COL5A1: variants seen among roughly 807,000 people sequenced by gnomAD.
COL5A1 encodes collagen type V alpha 1 chain, also known as collagen alpha-1(V) chain.
COL5A1 carries 16 observed loss-of-function variants against 263.7 expected under a neutral mutation model. The observed-to-expected ratio is 0.06, with a 90% CI of 0.04 to 0.09. The LOEUF (loss-of-function observed/expected upper bound fraction) is 0.09, where lower values mean the gene tolerates loss of function less well. Ranked by LOEUF, COL5A1 falls within the 10% of genes least tolerant of loss-of-function variation. The pLI is 1.00. For synonymous variants in COL5A1, 1,012 were observed against 1,004.5 expected (o/e 1.01, Z -0.14); for missense variants, 2,036 against 2,540.5 (o/e 0.80, Z 4.27).
intron 64 of COL5A1, among the ~76,000 whole-genome samples, chr9:134,831,676 A>G (rs774475085): frequency 6.6e-5 from 10 of 152,198 alleles, no homozygotes; most frequent in Admixed American, 2.6e-4. Context: ...TCTCCCCGCA[A>G]TGACAGCTCT....
At chr9:134,802,055 C>T (rs552248672) in intron 38 of COL5A1, 48 bp downstream of exon 38, 62 of 1,578,330 alleles carry the variant, frequency 3.9e-5, no homozygotes, top group Non-Finnish European at 5.1e-5. Context: ...GTGTCACTTG[C>T]CCACAGGGAA....
At chr9:134,723,218 C>T (rs969595942) in intron 4 of COL5A1, among the ~76,000 whole-genome samples, 3 of 152,176 alleles carry the variant, frequency 2.0e-5, no homozygotes, top group South Asian at 2.1e-4. Context: ...CTTCCTGCAC[C>T]GCTGTCCTGA....
intron 42 of COL5A1, among the ~76,000 whole-genome samples, chr9:134,808,574 CAT>C (rs1439464753): frequency 6.6e-6 from 1 of 152,116 alleles, no homozygotes; most frequent in African/African-American, 2.4e-5. Context: ...CACGTGTGCA[CAT>C]GTTGGTGCAT....
In COL5A1 at chr9:134,825,495, G is replaced by T. The variant is rs111857754; in HGVS notation, c.4955-297G>T. Among the ~76,000 whole-genome samples, 2,397 of 152,210 alleles carry T rather than the reference G, an allele frequency of 0.016. 58 individuals are homozygous for T. Among genetic ancestry groups the T allele is most frequent in the African/African-American group, 0.054 (2,257 of 41,510 alleles). On this transcript the variant is annotated intron_variant, in intron 62 of 65. Transcript: ENST00000371817. ...CAGAGTTCCTTCCAGAACCCTCTCT[G>T]CATTTCTGTCCACCCAGAGAGTAGG...
At position 134,835,188 on chromosome 9, in the gene COL5A1, T is replaced by C. The variant is rs760426656; in HGVS notation, c.5354T>C (p.Leu1785Pro). 18 of 1,613,466 alleles carry C rather than the reference T, an allele frequency of 1.1e-5. No homozygotes were observed. The East Asian group carries it at 3.6e-4, about 32-fold the overall frequency. ...GACAACAACCCCTACATCCGCGCCC[T>C]GGTGGACGGCTGTGCTGTGAGTATC... ...SYDNNPYIRALVDGCATKKGY... is the reference protein window; with the variant it reads ...SYDNNPYIRAPVDGCATKKGY... Residue 1785 changes from leucine (L) to proline (P), a missense_variant, in exon 65 of 66, where the codon CTG (leucine) becomes CCG (proline). Leu to Pro is a moderately conservative substitution (Grantham distance 98). Transcript: ENST00000371817.
At chr9:134,824,094 C>T (rs572904742) in intron 61 of COL5A1, among the ~76,000 whole-genome samples, 1 of 152,292 alleles carries the variant, frequency 6.6e-6, no homozygotes, top group Admixed American at 6.5e-5. Flanking sequence ...TGAACCAGGG[C>T]ATGGCGAGTG....
chr9:134,759,951 A>AC (rs1168913284), intron 18 of COL5A1, among the ~76,000 whole-genome samples: 2 of 87,280 alleles, frequency 2.3e-5, no homozygotes, highest in African/African-American at 4.6e-5. Context: ...ATACCCCCAC[A>AC]CCCCCACACT....
intron 9 of COL5A1, among the ~76,000 whole-genome samples, chr9:134,734,187 C>T (rs966059601): frequency 4.6e-5 from 7 of 152,078 alleles, no homozygotes; most frequent in African/African-American, 1.7e-4. Context: ...CAAGGGTGGG[C>T]CAAGGAGAGG....
intron 27 of COL5A1, among the ~76,000 whole-genome samples, chr9:134,778,624 C>G (rs1837137670): frequency 6.6e-6 from 1 of 152,228 alleles, no homozygotes; most frequent in Admixed American, 6.5e-5. Context: ...AAGTGCCAGG[C>G]CAGACGAACC....
intron 1 of COL5A1, among the ~76,000 whole-genome samples, chr9:134,643,912 TC>T (rs1831383582): frequency 6.6e-6 from 1 of 152,060 alleles, no homozygotes; most frequent in African/African-American, 2.4e-5. Context: ...GGGTTCCATT[TC>T]CCTCCCTGCC....
chr9:134,744,929 GCA>G (rs1363147622), intron 11 of COL5A1, among the ~76,000 whole-genome samples: 1 of 152,238 alleles, frequency 6.6e-6, no homozygotes, highest in Non-Finnish European at 1.5e-5. Context: ...GCGTGCACGT[GCA>G]CACACATCTA....
In COL5A1 at chr9:134,686,526, C is replaced by G. The variant is rs1833085891; in HGVS notation, c.110-4386C>G. On this transcript the variant is annotated intron_variant, in intron 1 of 65. Coordinates refer to ENST00000371817, the MANE Select transcript of COL5A1 (RefSeq NM_000093.5). The surrounding 1 kb of genome is among the most constrained non-coding windows in gnomAD (Gnocchi z 4.6). ...CTCGGCCTCCCAAAGTGCTGGGATT[C>G]CAGTCCTGAGCCACCGCGCCTGGCC... Among the ~76,000 whole-genome samples the G allele has an allele frequency of 6.6e-6, 1 of 152,108 alleles. No homozygotes were observed. Among genetic ancestry groups the G allele is most frequent in the Non-Finnish European group, 1.5e-5 (1 of 68,014 alleles).
Position 134,741,795 on chromosome 9 carries a change from C to T in COL5A1, c.1494+2987C>T, listed in dbSNP as rs914209325. Among the ~76,000 whole-genome samples the T allele has an allele frequency of 5.0e-4, 76 of 152,258 alleles. 2 individuals are homozygous for T. Among genetic ancestry groups the T allele is most frequent in the Admixed American group, 4.9e-3 (75 of 15,302 alleles). ...GTGCCTCTGTCTGGGAGGGCCTTTT[C>T]CCTGGGGTCTGGAAGAGCCCTCTTC... On this transcript the variant is annotated intron_variant, in intron 11 of 65. Coordinates refer to ENST00000371817, the MANE Select transcript of COL5A1 (RefSeq NM_000093.5). This position sits in a 1 kb window ranked among gnomAD's most constrained non-coding sequence, Gnocchi z 4.5.
chr9:134,724,096 C>T (rs1009047582), intron 4 of COL5A1, among the ~76,000 whole-genome samples: 5 of 152,156 alleles, frequency 3.3e-5, no homozygotes, highest in African/African-American at 1.2e-4. Flanking sequence ...TTCCCTGCCA[C>T]CCTCTCACAC....
At chr9:134,838,303 A>G (rs961770794) in intron 65 of COL5A1, among the ~76,000 whole-genome samples, 6 of 152,180 alleles carry the variant, frequency 3.9e-5, no homozygotes, top group African/African-American at 1.4e-4. Context: ...CCCAGGGGCA[A>G]AATCTCCCCC....
intron 21 of COL5A1, 102 bp from the exon 22 acceptor site, chr9:134,766,352 G>T: frequency 8.7e-7 from 1 of 1,151,514 alleles, no homozygotes; most frequent in Non-Finnish European, 1.3e-6. Context: ...CTGATTCGTC[G>T]TGGGATGGGC....
rs115229715 is a variant in COL5A1 at position 134,833,631 on chromosome 9, A to C, written c.5137-1340A>C. ...CCGGGACCCCTGTGCCTCCAGGAGG[A>C]TCCCCGGTCACCCCAGCCATCTGCA... On this transcript the variant is annotated intron_variant, in intron 64 of 65. Transcript: ENST00000371817. 9.7e-3 allele frequency among the ~76,000 whole-genome samples: 1,474 copies of C among 152,092 alleles called. 33 individuals are homozygous for C. Among genetic ancestry groups the C allele is most frequent in the African/African-American group, 0.034 (1,402 of 41,488 alleles).
Position 134,642,335 on chromosome 9 carries a change from G to T in COL5A1, c.109+39G>T. On this transcript the variant is annotated intron_variant, in intron 1 of 65. Coordinates refer to ENST00000371817, the MANE Select transcript of COL5A1 (RefSeq NM_000093.5). The surrounding 1 kb of genome is among the most constrained non-coding windows in gnomAD (Gnocchi z 4.5). ...GGGGCGCGGGGCTGCGGGATGGGGC[G>T]CGCGCAGCCCGGGCGCCGCTGTCAT... The T allele has an allele frequency of 5.3e-6, 3 of 568,052 alleles. No homozygotes were observed. The allele number at this position is 568,052 out of a possible 1,614,324, so 35.2% of individuals were successfully genotyped here.
intron 18 of COL5A1, among the ~76,000 whole-genome samples, chr9:134,759,246 A>C (rs1836116787): frequency 7.7e-6 from 1 of 130,060 alleles, no homozygotes; most frequent in Non-Finnish European, 1.5e-5. Flanking sequence ...CACATACACC[A>C]CACATGTGTG....
Sources: gnomAD v4.1 joint callset for allele counts (sites outside exome capture counted in the v4.1 genomes callset) on GRCh38, gnomAD v4.1.1 for gene constraint, Gnocchi (gnomAD v3.1) non-coding constraint, MANE v1.5 for transcripts, NCBI Gene and HGNC (gene_info 2026-07-23, HGNC 2026-07-21) for gene names.